The following STAM2 variants were observed in gnomAD, a reference collection of about 807,000 sequenced individuals.
The protein encoded by STAM2 is signal transducing adapter molecule 2.
A neutral mutation model predicts 65.6 loss-of-function variants in STAM2; 51 were observed. The ratio of observed to expected loss-of-function variants is 0.78; its 90% confidence interval spans 0.62 to 0.98. The LOEUF (loss-of-function observed/expected upper bound fraction) is 0.98. STAM2 is among the 50% of genes least tolerant of loss of function. The probability of loss-of-function intolerance (pLI) is 0.00; values close to 1 mark genes in which losing one functional copy is unlikely to be tolerated. For missense variants in STAM2, 584 were observed against 617.8 expected, an observed-to-expected ratio of 0.95 and a Z score of 0.58; for synonymous variants, 198 against 208.4, an observed-to-expected ratio of 0.95 and a Z score of 0.43.
In STAM2 at chr2:152,132,151, C is replaced by T. The variant is rs1366933750; in HGVS notation, c.988G>A (p.Gly330Ser). 1.2e-6 allele frequency: 2 copies of T among 1,611,180 alleles called. No individual in the cohort carries two copies. The highest frequency in any genetic ancestry group is 1.7e-5 in the Admixed American group (1 of 59,764). Residue 330 changes from glycine to serine, a missense_variant, in exon 11 of 14, where the codon GGT becomes AGT. Transcript: ENST00000263904. Reference protein sequence around the residue: ...LDLEDICQQMGPMIDEKLEEI... With the variant: ...LDLEDICQQMSPMIDEKLEEI... ...TCAAGTTTTTCATCTATCATTGGAC[C>T]CATCTGTTGGCAGATATCTGTAAAT...
At chr2:152,152,427 T>C (rs62176479) in intron 1 of STAM2, among the ~76,000 whole-genome samples, 34,859 of 151,768 alleles carry the variant, frequency 0.23, 4,090 homozygotes, top group Admixed American at 0.31. Flanking sequence ...CAGGCGCCTG[T>C]AGTCCCAGCT....
intron 1 of STAM2, among the ~76,000 whole-genome samples, chr2:152,150,749 T>C (rs1560218599): frequency 6.6e-6 from 1 of 152,194 alleles, no homozygotes; most frequent in Non-Finnish European, 1.5e-5. Context: ...AAGGCTGCAG[T>C]GAGCTATTAT....
At chr2:152,124,287 CA>C (rs1164925287) in intron 12 of STAM2, 1 of 183,478 alleles carries the variant, frequency 5.5e-6, no homozygotes, top group Non-Finnish European at 1.1e-5. Flanking sequence ...AAGGGAAGCC[CA>C]CCATCACTTA....
chr2:152,154,435 G>GT (rs1350832046), intron 1 of STAM2, among the ~76,000 whole-genome samples: 1 of 152,184 alleles, frequency 6.6e-6, no homozygotes, highest in African/African-American at 2.4e-5. Flanking sequence ...GGGCAACATG[G>GT]TAAAACCCTG....
At chr2:152,144,815 G>A in intron 6 of STAM2, 73 bp downstream of exon 6, 1 of 1,301,956 alleles carries the variant, frequency 7.7e-7, no homozygotes, top group Non-Finnish European at 1.1e-6. Context: ...GGGATTACAG[G>A]CGTGAGCCAC....
chr2:152,159,692 T>C (rs1689623031), intron 1 of STAM2, among the ~76,000 whole-genome samples: 1 of 152,156 alleles, frequency 6.6e-6, no homozygotes, highest in Non-Finnish European at 1.5e-5. Context: ...TTCCTCGTTT[T>C]TAAAAGAACA....
chr2:152,175,727 C>T lies in STAM2; in HGVS notation c.-85G>A. The T allele has an allele frequency of 2.1e-6, 3 of 1,451,208 alleles. No individual in the cohort carries two copies. Among genetic ancestry groups the T allele is most frequent in the Non-Finnish European group, 2.8e-6 (3 of 1,059,484 alleles). The allele number at this position is 1,451,208 out of a possible 1,614,324, so 89.9% of individuals were successfully genotyped here. ...GCCGGGTGACCCGCGGCCGCGGCTC[C>T]CTAGACCGCTCCGCTTCGGCCTCCG... On this transcript the variant is annotated 5_prime_UTR_variant, in exon 1 of 14. Transcript: ENST00000263904.
chr2:152,136,400 G>A (rs1229898550), intron 7 of STAM2, among the ~76,000 whole-genome samples: 1 of 150,758 alleles, frequency 6.6e-6, no homozygotes, highest in Non-Finnish European at 1.5e-5. Flanking sequence ...CTGAAATCAC[G>A]TCACTGCACT....
chr2:152,145,648 G>A (rs1265085226), intron 5 of STAM2, among the ~76,000 whole-genome samples: 3 of 152,358 alleles, frequency 2.0e-5, no homozygotes, highest in South Asian at 4.1e-4. Context: ...GTGCCAGCAA[G>A]AAGTCATGAT....
intron 10 of STAM2, 61 bp from the exon 11 acceptor site, chr2:152,132,229 A>G: frequency 3.2e-6 from 4 of 1,245,206 alleles, no homozygotes; most frequent in Admixed American, 3.5e-5. Flanking sequence ...CAATTTCAAC[A>G]ATTTTTAACA....
At chr2:152,173,555 C>T (rs544226949) in intron 1 of STAM2, among the ~76,000 whole-genome samples, 250 of 151,890 alleles carry the variant, frequency 1.6e-3, no homozygotes, top group Admixed American at 2.9e-3. Context: ...CGCCACCATG[C>T]CTGGCTAATT....
intron 2 of STAM2, among the ~76,000 whole-genome samples, chr2:152,149,859 A>G (rs1464271367): frequency 6.6e-6 from 1 of 152,160 alleles, no homozygotes; most frequent in Non-Finnish European, 1.5e-5. Context: ...ATGGACATAT[A>G]TTTTGTATAT....
intron 4 of STAM2, among the ~76,000 whole-genome samples, chr2:152,147,814 G>C (rs1689361820): frequency 6.6e-6 from 1 of 152,104 alleles, no homozygotes; most frequent in Non-Finnish European, 1.5e-5. Flanking sequence ...CCCTCAAAAA[G>C]GATTTGCTAT....
At chr2:152,158,046 G>A (rs1689585113) in intron 1 of STAM2, among the ~76,000 whole-genome samples, 1 of 152,162 alleles carries the variant, frequency 6.6e-6, no homozygotes, top group Admixed American at 6.5e-5. Context: ...TAACCCAAAT[G>A]TTAGATTTGG....
At chr2:152,175,523 G>C in intron 1 of STAM2, 80 bp downstream of exon 1, 1 of 1,569,706 alleles carries the variant, frequency 6.4e-7, no homozygotes, top group South Asian at 1.1e-5. Context: ...CCCCGGAGTC[G>C]CTACCGCCCA....
At chr2:152,133,584 A>G in intron 8 of STAM2, 100 bp from the exon 9 acceptor site, 2 of 821,986 alleles carry the variant, frequency 2.4e-6, no homozygotes, top group Non-Finnish European at 3.9e-6. Context: ...AAAAAAAAAT[A>G]AAAGTCCTTC....
intron 7 of STAM2, among the ~76,000 whole-genome samples, chr2:152,137,531 C>G (rs938300171): frequency 1.3e-5 from 2 of 152,020 alleles, no homozygotes; most frequent in African/African-American, 4.8e-5. Context: ...AGTTGTTTGT[C>G]TGAATTATGC....
intron 13 of STAM2, among the ~76,000 whole-genome samples, chr2:152,121,770 A>C (rs4664079): frequency 0.38 from 58,314 of 151,924 alleles, 12,198 homozygotes; most frequent in East Asian, 0.84. Context: ...TTTGGCTGGA[A>C]GCGGTGGCTC....
chr2:152,140,360 TAAAAC>T (rs1319413914), intron 7 of STAM2, among the ~76,000 whole-genome samples: 1 of 152,200 alleles, frequency 6.6e-6, no homozygotes, highest in Admixed American at 6.5e-5. Context: ...CACTCTGAGA[TAAAAC>T]AAAAAATGTT....
Sources: gnomAD v4.1 joint callset for allele counts (sites outside exome capture counted in the v4.1 genomes callset) on GRCh38, gnomAD v4.1.1 for gene constraint, MANE v1.5 for transcripts, NCBI Gene and HGNC (gene_info 2026-07-23, HGNC 2026-07-21) for gene names.